EPHB1: variants seen among roughly 807,000 people sequenced by gnomAD.
EPHB1 encodes the protein ephrin type-B receptor 1.
In EPHB1, 30 loss-of-function variants were observed where a neutral mutation model predicts 94.4. The ratio of observed to expected loss-of-function variants is 0.32; its 90% CI spans 0.24 to 0.43. The LOEUF (loss-of-function observed/expected upper bound fraction) is 0.43. Among genes scored for constraint, EPHB1 ranks in the 20% least tolerant of loss-of-function variants. EPHB1 has a pLI of 1.00. For missense variants in EPHB1, 1,055 were observed against 1,308.3 expected, an observed-to-expected ratio of 0.81 and a Z score of 2.99; for synonymous variants, 522 against 489.1, an observed-to-expected ratio of 1.07 and a Z score of -0.89.
chr3:135,049,473 G>C (rs188318891), intron 3 of EPHB1, among the ~76,000 whole-genome samples: 113 of 152,312 alleles, frequency 7.4e-4, no homozygotes, highest in African/African-American at 2.6e-3. Flanking sequence ...CTATCTTTCA[G>C]AATACCTGCA....
intron 2 of EPHB1, among the ~76,000 whole-genome samples, chr3:134,942,994 C>G (rs943766977): frequency 6.6e-6 from 1 of 152,178 alleles, no homozygotes; most frequent in African/African-American, 2.4e-5. Context: ...TTTATGCATT[C>G]AGAAAAATGG....
At chr3:134,861,019 G>A (rs1046685526) in intron 1 of EPHB1, among the ~76,000 whole-genome samples, 2 of 152,134 alleles carry the variant, frequency 1.3e-5, no homozygotes, top group Admixed American at 6.5e-5. Context: ...CCTGGATATG[G>A]AAGATGCAGT....
chr3:135,014,527 A>G (rs140463352), intron 3 of EPHB1, among the ~76,000 whole-genome samples: 181 of 152,356 alleles, frequency 1.2e-3, no homozygotes, highest in African/African-American at 3.8e-3. Context: ...GGAAGACCAT[A>G]CATACTGAGT....
intron 12 of EPHB1, among the ~76,000 whole-genome samples, chr3:135,207,420 A>G (rs1020417577): frequency 1.8e-5 from 2 of 113,610 alleles, no homozygotes; most frequent in African/African-American, 2.8e-5. Context: ...TTGAGTATCT[A>G]CTATGTGTCA....
At chr3:134,981,185 C>T (rs903864892) in intron 3 of EPHB1, among the ~76,000 whole-genome samples, 3 of 152,194 alleles carry the variant, frequency 2.0e-5, no homozygotes, top group Non-Finnish European at 2.9e-5. Context: ...ACATGGTGCT[C>T]CTCTTACCAG....
At chr3:135,059,280 C>T (rs994652748) in intron 3 of EPHB1, among the ~76,000 whole-genome samples, 9 of 152,196 alleles carry the variant, frequency 5.9e-5, no homozygotes, top group African/African-American at 2.2e-4. Context: ...TTCACAGCTA[C>T]TAAGCTGGCA....
intron 2 of EPHB1, among the ~76,000 whole-genome samples, chr3:134,940,530 C>T (rs1255329579): frequency 6.6e-6 from 1 of 152,180 alleles, no homozygotes; most frequent in South Asian, 2.1e-4. Flanking sequence ...GCCACACTGG[C>T]ATCTTGGCTT....
Position 135,257,217 on chromosome 3 carries a change from C to T in EPHB1, c.2847-1795C>T, listed in dbSNP as rs557703514. On this transcript the variant is annotated intron_variant, in intron 15 of 15. Coordinates refer to ENST00000398015, the MANE Select transcript of EPHB1 (RefSeq NM_004441.5). ...CGTCTGAAGCCTTCTTCTCTCAACT[C>T]GTCAAAGTCATTCTCCATCCAGCTT... is the stretch of plus-strand genomic sequence containing the variant. 4.6e-3 allele frequency among the ~76,000 whole-genome samples: 706 copies of T among 152,228 alleles called. 2 individuals are homozygous for T. Among genetic ancestry groups the T allele is most frequent in the African/African-American group, 0.017 (687 of 41,506 alleles).
intron 4 of EPHB1, among the ~76,000 whole-genome samples, chr3:135,126,820 A>C (rs1490233804): frequency 6.6e-6 from 1 of 152,166 alleles, no homozygotes; most frequent in Non-Finnish European, 1.5e-5. Context: ...GGGCTCCTAC[A>C]TCAGGTTTCC....
intron 15 of EPHB1, 112 bp downstream of exon 15, chr3:135,249,603 C>A: frequency 1.6e-6 from 2 of 1,267,364 alleles, no homozygotes; most frequent in Non-Finnish European, 2.2e-6. Context: ...AGCTCCGTCT[C>A]TGTATAGACC....
chr3:135,053,560 T>C (rs987803953), intron 3 of EPHB1, among the ~76,000 whole-genome samples: 121 of 152,220 alleles, frequency 7.9e-4, no homozygotes, highest in Non-Finnish European at 1.6e-4. Context: ...AGGGGAGTCT[T>C]AGCATATCAA....
intron 3 of EPHB1, among the ~76,000 whole-genome samples, chr3:135,013,213 A>C (rs530820445): frequency 3.3e-5 from 5 of 152,338 alleles, no homozygotes; most frequent in Non-Finnish European, 7.3e-5. Context: ...AATGTGAAAA[A>C]GGACAACAGT....
rs773213206 is a variant in EPHB1, at chr3:135,259,125, T to G, written c.*5T>G. 2.1e-5 allele frequency: 33 copies of G among 1,599,536 alleles called. No homozygotes were observed. In the South Asian group the frequency reaches 3.5e-4, roughly 17 times the overall value. On this transcript the variant is annotated 3_prime_UTR_variant, in exon 16 of 16. Transcript: ENST00000398015. ...TCACCAACGGCAATGGCATGAGAAC[T>G]CTTGTTTCTTGGGGAAGGAGAGGAG...
chr3:134,989,669 G>T (rs753962521), intron 3 of EPHB1, among the ~76,000 whole-genome samples: 1 of 152,202 alleles, frequency 6.6e-6, no homozygotes, highest in East Asian at 1.9e-4. Flanking sequence ...TGTGATCACG[G>T]TAATCTTTAA....
At chr3:134,799,616 G>A (rs1056488036) in intron 1 of EPHB1, among the ~76,000 whole-genome samples, 1 of 152,180 alleles carries the variant, frequency 6.6e-6, no homozygotes, top group Non-Finnish European at 1.5e-5. Context: ...AACCTTCTGG[G>A]TTAGTAGAAG....
intron 2 of EPHB1, among the ~76,000 whole-genome samples, chr3:134,935,293 G>A (rs960503781): frequency 3.3e-5 from 5 of 152,180 alleles, no homozygotes; most frequent in Admixed American, 3.3e-4. Context: ...AGACGAACAG[G>A]AGGAAAACAG....
intron 4 of EPHB1, among the ~76,000 whole-genome samples, chr3:135,110,875 G>C (rs1166397159): frequency 6.6e-6 from 1 of 152,130 alleles, no homozygotes; most frequent in Non-Finnish European, 1.5e-5. Context: ...TGGTGGGGTG[G>C]GGGGGTGGTG....
At chr3:135,228,461 C>A (rs1447403563) in intron 12 of EPHB1, among the ~76,000 whole-genome samples, 1 of 152,108 alleles carries the variant, frequency 6.6e-6, no homozygotes, top group African/African-American at 2.4e-5. Context: ...AAGCCTTTTG[C>A]CAATTTATAT....
At chr3:135,053,027 G>GTATGTATATATATATA (rs1937235260) in intron 3 of EPHB1, among the ~76,000 whole-genome samples, 2 of 110,464 alleles carry the variant, frequency 1.8e-5, no homozygotes, top group Admixed American at 1.9e-4. Context: ...GTGTGTGTGT[G>GTATGTATATATATATA]TATATATATA....
Sources: gnomAD v4.1 joint callset for allele counts (sites outside exome capture counted in the v4.1 genomes callset) on GRCh38, gnomAD v4.1.1 for gene constraint, MANE v1.5 for transcripts, NCBI Gene and HGNC (gene_info 2026-07-23, HGNC 2026-07-21) for gene names.